The following C11orf58 variants were observed in gnomAD, a reference collection of about 807,000 sequenced individuals.
C11orf58 encodes chromosome 11 open reading frame 58.
A neutral mutation model predicts 22.7 loss-of-function variants in C11orf58; 5 were observed. That is an observed-to-expected ratio of 0.22 (90% CI 0.12 to 0.46). The LOEUF (loss-of-function observed/expected upper bound fraction) is 0.46. Ranked by LOEUF, C11orf58 falls within the 20% of genes least tolerant of loss-of-function variation. The pLI is 0.99. For synonymous variants in C11orf58, 71 were observed against 70.7 expected (o/e 1.00, Z -0.02); for missense variants, 151 against 223.3 (o/e 0.68, Z 2.06).
At position 16,755,191 on chromosome 11, in the gene C11orf58, T is replaced by C; in HGVS notation, c.*87T>C. 7.0e-7 allele frequency: 1 copy of C among 1,427,666 alleles called. No individual in the cohort carries two copies. The highest frequency in any genetic ancestry group is 9.4e-7 in the Non-Finnish European group (1 of 1,059,908). 88.4% of individuals were successfully genotyped at this position (1,427,666 alleles called of 1,614,324 possible). The stretch of plus-strand genomic sequence containing the variant: ...ACTGCTTATAGAGCACAGACCTTTG[T>C]ATTATAATTTTTAAAAAGGCCCTTT... On this transcript the variant is annotated 3_prime_UTR_variant, in exon 5 of 5. Coordinates refer to ENST00000228136, the MANE Select transcript of C11orf58 (RefSeq NM_014267.6).
At chr11:16,747,988 T>C in intron 2 of C11orf58, 109 bp from the exon 3 acceptor site, 1 of 800,356 alleles carries the variant, frequency 1.2e-6, no homozygotes, top group South Asian at 1.5e-5. Flanking sequence ...TTTAATCTTT[T>C]GTCTTCACTG....
At position 16,744,631 on chromosome 11, in the gene C11orf58, T is replaced by G. The variant is rs2134069639; in HGVS notation, c.94T>G (p.Leu32Val). 1 of 1,613,960 alleles carries G rather than the reference T, an allele frequency of 6.2e-7. No individual in the cohort carries two copies. The highest frequency in any genetic ancestry group is 1.7e-5 in the Admixed American group (1 of 60,012). ...ATCTAGCAATTGGGAGGCAGCAGAC[T>G]TGGGTAATGAAGAGAGAAAACAAAA... ...LGSSNWEAADLGNEERKQKFL... is the reference protein window; with the variant it reads ...LGSSNWEAADVGNEERKQKFL... The change falls in exon 2 of 5, where the codon TTG becomes GTG. Residue 32 changes from leucine to valine, a missense_variant. Leu to Val is a conservative substitution (Grantham distance 32). Coordinates refer to ENST00000228136, the MANE Select transcript of C11orf58 (RefSeq NM_014267.6).
At chr11:16,746,774 T>A (rs2134070865) in intron 2 of C11orf58, 1 of 152,324 alleles carries the variant, frequency 6.6e-6, no homozygotes, top group East Asian at 1.9e-4. Context: ...TGCCTCAGCC[T>A]CCCAAGTAGC....
At position 16,755,695 on chromosome 11, in the gene C11orf58, T is replaced by A. The variant is rs1449900018; in HGVS notation, c.*591T>A. 40 of 152,672 alleles carry A rather than the reference T, an allele frequency of 2.6e-4. No individual in the cohort carries two copies. Among genetic ancestry groups the A allele is most frequent in the Admixed American group, 2.6e-3 (40 of 15,278 alleles). The allele number at this position is 152,672 out of a possible 1,614,324, so 9.5% of individuals were successfully genotyped here. On this transcript the variant is annotated 3_prime_UTR_variant, in exon 5 of 5. Coordinates refer to ENST00000228136, the MANE Select transcript of C11orf58 (RefSeq NM_014267.6). The stretch of plus-strand genomic sequence containing the variant: ...CTGTCATACATTTGGAATATTATGA[T>A]CCCAAGTAGTCTTTTTATAATTTGG...
chr11:16,754,666 G>C (rs1462364090), intron 4 of C11orf58, among the ~76,000 whole-genome samples: 2 of 141,748 alleles, frequency 1.4e-5, no homozygotes, highest in African/African-American at 5.3e-5. Context: ...TCAGCCTCTT[G>C]AGTAGCTGGA....
At chr11:16,742,129 T>G (rs1255665498) in intron 1 of C11orf58, among the ~76,000 whole-genome samples, 1 of 152,244 alleles carries the variant, frequency 6.6e-6, no homozygotes, top group Non-Finnish European at 1.5e-5. Context: ...TAGATGACAG[T>G]TATTTATATA....
intron 3 of C11orf58, 191 bp from the exon 4 acceptor site, chr11:16,752,594 T>G (rs1014506927): frequency 2.7e-6 from 1 of 376,884 alleles, no homozygotes; most frequent in East Asian, 4.0e-5. Flanking sequence ...GTAATAAATA[T>G]TTATGCTATC....
intron 1 of C11orf58, 196 bp from the exon 2 acceptor site, chr11:16,744,405 G>C: frequency 1.8e-6 from 1 of 542,960 alleles, no homozygotes; most frequent in Non-Finnish European, 3.3e-6. Flanking sequence ...AGAACTAAAG[G>C]ATTCTGCTGT....
chr11:16,754,546 CCTTTTTTTTT>C (rs1848559245), intron 4 of C11orf58, among the ~76,000 whole-genome samples: 2 of 89,380 alleles, frequency 2.2e-5, no homozygotes, highest in African/African-American at 3.8e-5. Flanking sequence ...TCTCTCTCTC[CCTTTTTTTTT>C]TTTTTTTTTT....
intron 1 of C11orf58, 67 bp from the exon 2 acceptor site, chr11:16,744,534 T>C: frequency 7.8e-7 from 1 of 1,283,008 alleles, no homozygotes; most frequent in Non-Finnish European, 1.1e-6. Flanking sequence ...GAGTTACAGG[T>C]AGACTTTAGA....
Position 16,757,285 on chromosome 11 carries a change from T to TAA in C11orf58, c.*2184_*2185dup, listed in dbSNP as rs1252604556. On this transcript the variant is annotated 3_prime_UTR_variant, in exon 5 of 5. Transcript: ENST00000228136. ...GGATAGAGATGAGTTTTATGGTTTTTAAAAGTATTTTCAGTTCATTATTTA... is the reference window on the plus strand; with the variant it reads ...GGATAGAGATGAGTTTTATGGTTTTTAAAAAAGTATTTTCAGTTCATTATTTA... Among the ~76,000 whole-genome samples the TAA allele has an allele frequency of 1.3e-5, 2 of 152,232 alleles. No homozygotes were observed. Among genetic ancestry groups the TAA allele is most frequent in the African/African-American group, 4.8e-5 (2 of 41,442 alleles).
intron 4 of C11orf58, among the ~76,000 whole-genome samples, chr11:16,753,659 A>G (rs1289601014): frequency 6.6e-6 from 1 of 151,960 alleles, no homozygotes; most frequent in Non-Finnish European, 1.5e-5. Context: ...CACCATGTCC[A>G]GCCTCACCTG....
intron 1 of C11orf58, among the ~76,000 whole-genome samples, chr11:16,740,965 G>T (rs1174944618): frequency 1.3e-5 from 2 of 151,758 alleles, no homozygotes; most frequent in African/African-American, 2.4e-5. Flanking sequence ...GCGTGGTAGC[G>T]GGCGCCTGTA....
At chr11:16,746,163 C>G (rs1379844476) in intron 2 of C11orf58, among the ~76,000 whole-genome samples, 1 of 152,202 alleles carries the variant, frequency 6.6e-6, no homozygotes, top group African/African-American at 2.4e-5. Context: ...TAGAATTGAT[C>G]TGAATCTCAA....
Position 16,754,547 on chromosome 11 carries a change from C to CTTTTT in C11orf58, c.319-290_319-286dup, listed in dbSNP as rs573626223. 4.8e-3 allele frequency among the ~76,000 whole-genome samples: 151 copies of CTTTTT among 31,496 alleles called. 60 individuals are homozygous for CTTTTT. Among genetic ancestry groups the CTTTTT allele is most frequent in the Non-Finnish European group, 7.1e-3 (108 of 15,288 alleles). 20.7% of individuals were successfully genotyped at this position (31,496 alleles called of 152,430 possible). Reference sequence around the variant, plus strand: ...TTTTAGTTTCTCTCTCTCTCTCTCCCTTTTTTTTTTTTTTTTTTTTTTTTT... The same window carrying CTTTTT: ...TTTTAGTTTCTCTCTCTCTCTCTCCCTTTTTTTTTTTTTTTTTTTTTTTTTTTTTT... On this transcript the variant is annotated intron_variant, in intron 4 of 4. Transcript: ENST00000228136.
chr11:16,739,020 A>AAG (rs1164580966), intron 1 of C11orf58, among the ~76,000 whole-genome samples, 179 bp downstream of exon 1: 1 of 152,074 alleles, frequency 6.6e-6, no homozygotes, highest in Non-Finnish European at 1.5e-5. Flanking sequence ...AGAAGGTTTG[A>AAG]AGAGGCCCAC....
chr11:16,745,531 T>C (rs1475623619), intron 2 of C11orf58, among the ~76,000 whole-genome samples: 1 of 152,212 alleles, frequency 6.6e-6, no homozygotes, highest in Non-Finnish European at 1.5e-5. Flanking sequence ...AATTGACTCT[T>C]CATTAATTGG....
intron 1 of C11orf58, among the ~76,000 whole-genome samples, chr11:16,743,219 T>G (rs1313751765): frequency 1.3e-5 from 2 of 152,228 alleles, no homozygotes; most frequent in African/African-American, 4.8e-5. Flanking sequence ...CACATCTGCC[T>G]TCACCCTTTG....
At position 16,738,800 on chromosome 11, in the gene C11orf58, C is replaced by G; in HGVS notation, c.22C>G (p.His8Asp). The G allele has an allele frequency of 6.2e-7, 1 of 1,613,962 alleles. No homozygotes were observed. The change falls in exon 1 of 5, where the codon CAC (histidine) becomes GAC (aspartate). Residue 8 changes from histidine (H) to aspartate (D), a missense_variant. His to Asp is a moderately conservative substitution (Grantham distance 81, BLOSUM62 -1). Coordinates refer to ENST00000228136, the MANE Select transcript of C11orf58 (RefSeq NM_014267.6). MSAARES[H>D]PHGVKRSASP... ...AAGGATGAGTGCTGCCAGAGAGTCT[C>G]ACCCGCATGGGGTGAAGCGTTCAGC...
Sources: gnomAD v4.1 joint callset for allele counts (sites outside exome capture counted in the v4.1 genomes callset) on GRCh38, gnomAD v4.1.1 for gene constraint, MANE v1.5 for transcripts, NCBI Gene and HGNC (gene_info 2026-07-23, HGNC 2026-07-21) for gene names.